Variants in DYNLT2B observed in about 807,000 individuals in gnomAD.
DYNLT2B encodes dynein light chain Tctex-type protein 2B.
A neutral mutation model predicts 19.5 loss-of-function variants in DYNLT2B; 14 were observed. The ratio of observed to expected loss-of-function variants is 0.72; its 90% CI spans 0.47 to 1.12. DYNLT2B has a LOEUF of 1.12. Ranked by LOEUF, DYNLT2B falls within the 50% of genes most tolerant of loss-of-function variation. The pLI, the probability that DYNLT2B is intolerant of heterozygous loss-of-function variation, is 0.00. For synonymous variants in DYNLT2B, 70 were observed against 59.7 expected (o/e 1.17, Z -0.79); for missense variants, 133 against 174.7 (o/e 0.76, Z 1.35).
chr3:196,316,677 G>A (rs1726804092), intron 1 of DYNLT2B, among the ~76,000 whole-genome samples: 1 of 152,050 alleles, frequency 6.6e-6, no homozygotes, highest in Non-Finnish European at 1.5e-5. Context: ...TTCTACCCAA[G>A]GGAAAAATCC....
At chr3:196,294,861 A>G (rs1393303706) in intron 4 of DYNLT2B, among the ~76,000 whole-genome samples, 1 of 151,864 alleles carries the variant, frequency 6.6e-6, no homozygotes, top group African/African-American at 2.4e-5. Context: ...CAGCCTCCCA[A>G]GTAGCTGGGA....
At chr3:196,305,374 C>T (rs941980711) in intron 3 of DYNLT2B, among the ~76,000 whole-genome samples, 1 of 152,106 alleles carries the variant, frequency 6.6e-6, no homozygotes, top group Non-Finnish European at 1.5e-5. Context: ...TACTTATTTT[C>T]AAGAAGTACA....
At chr3:196,295,975 A>G in intron 4 of DYNLT2B, 31 bp downstream of exon 4, 6 of 1,595,772 alleles carry the variant, frequency 3.8e-6, no homozygotes, top group Non-Finnish European at 5.2e-6. Context: ...ACGTTCTTAG[A>G]AAGGGAAAAG....
chr3:196,293,553 G>A (rs961393900), intron 4 of DYNLT2B, among the ~76,000 whole-genome samples: 10 of 151,710 alleles, frequency 6.6e-5, no homozygotes, highest in African/African-American at 2.2e-4. Flanking sequence ...TTGAACCTGG[G>A]AGGCAGAGGT....
intron 2 of DYNLT2B, among the ~76,000 whole-genome samples, chr3:196,314,831 CA>C (rs1560193401): frequency 1.3e-5 from 2 of 150,652 alleles, no homozygotes; most frequent in Non-Finnish European, 3.0e-5. Flanking sequence ...AAAAACAAAA[CA>C]AAACAAAAAA....
chr3:196,296,894 TCAGCCTGGGAGACA>T (rs1339020148), intron 3 of DYNLT2B, among the ~76,000 whole-genome samples: 1 of 151,210 alleles, frequency 6.6e-6, no homozygotes. Flanking sequence ...CCACTGCACT[TCAGCCTGGGAGACA>T]CAGCAGGACC....
intron 2 of DYNLT2B, among the ~76,000 whole-genome samples, chr3:196,314,533 C>T (rs999711005): frequency 1.3e-5 from 2 of 151,326 alleles, no homozygotes; most frequent in African/African-American, 4.9e-5. Context: ...AAGAGAGAGA[C>T]CAGGCGCAGT....
At chr3:196,301,067 A>G (rs957466339) in intron 3 of DYNLT2B, among the ~76,000 whole-genome samples, 2 of 149,554 alleles carry the variant, frequency 1.3e-5, no homozygotes, top group East Asian at 3.9e-4. Flanking sequence ...CTCAAAAAAG[A>G]AAAAAAAAAG....
intron 4 of DYNLT2B, among the ~76,000 whole-genome samples, chr3:196,294,704 T>TC (rs940750672): frequency 6.6e-6 from 1 of 152,130 alleles, no homozygotes; most frequent in African/African-American, 2.4e-5. Context: ...GGAGATGGAA[T>TC]CCCCCTCTTA....
chr3:196,300,129 T>TA (rs1263436303), intron 3 of DYNLT2B, among the ~76,000 whole-genome samples: 1 of 152,146 alleles, frequency 6.6e-6, no homozygotes, highest in African/African-American at 2.4e-5. Flanking sequence ...GATTCAGTCT[T>TA]AGAGCCTCCA....
intron 2 of DYNLT2B, among the ~76,000 whole-genome samples, chr3:196,310,355 A>G (rs960809976): frequency 9.3e-5 from 14 of 150,736 alleles, no homozygotes; most frequent in African/African-American, 3.4e-4. Flanking sequence ...CAGGTGATCC[A>G]CCTACCTCGG....
intron 3 of DYNLT2B, among the ~76,000 whole-genome samples, chr3:196,299,553 TA>T (rs1371539571): frequency 6.6e-6 from 1 of 151,804 alleles, no homozygotes; most frequent in Non-Finnish European, 1.5e-5. Flanking sequence ...GCTAAGGAGG[TA>T]AAATCAGATT....
At chr3:196,309,947 CA>C (rs113938332) in intron 2 of DYNLT2B, among the ~76,000 whole-genome samples, 167 of 129,614 alleles carry the variant, frequency 1.3e-3, no homozygotes, top group African/African-American at 3.2e-3. Flanking sequence ...AAACTCAGTC[CA>C]AAAAAAAAAA....
rs1560194730 is a variant in DYNLT2B at position 196,317,051 on chromosome 3, G to T, written c.114-820C>A. ...GTGTGTGTGTGTGTGTGTGTTGTGT[G>T]GTGTGTGTGTGGTGTGTGTGTGTGT... On this transcript the variant is annotated intron_variant, in intron 1 of 4. Coordinates refer to ENST00000325318, the MANE Select transcript of DYNLT2B (RefSeq NM_152773.5). Among the ~76,000 whole-genome samples, 31 of 70,004 alleles carry T rather than the reference G, an allele frequency of 4.4e-4. 2 individuals carry two copies. In the South Asian group the frequency reaches 0.018, roughly 40 times the overall value. 45.9% of individuals were successfully genotyped at this position (70,004 alleles called of 152,430 possible). A position where few individuals can be genotyped will look rare whatever the true frequency, so the allele number is the denominator to read the frequency against.
At chr3:196,304,686 C>T (rs1178272986) in intron 3 of DYNLT2B, among the ~76,000 whole-genome samples, 2 of 143,924 alleles carry the variant, frequency 1.4e-5, no homozygotes, top group African/African-American at 4.9e-5. Context: ...AGCGAAACTC[C>T]ATCTCAAAAA....
chr3:196,294,947 G>A (rs1019819426), intron 4 of DYNLT2B, among the ~76,000 whole-genome samples: 1 of 151,852 alleles, frequency 6.6e-6, no homozygotes, highest in Non-Finnish European at 1.5e-5. Context: ...TCACAATGTT[G>A]GCCAGGCTGC....
At chr3:196,302,653 A>G (rs1350513691) in intron 3 of DYNLT2B, among the ~76,000 whole-genome samples, 4 of 152,190 alleles carry the variant, frequency 2.6e-5, no homozygotes, top group Non-Finnish European at 5.9e-5. Context: ...CGCAGATACG[A>G]TGCCCTTGAG....
intron 3 of DYNLT2B, among the ~76,000 whole-genome samples, chr3:196,297,700 T>C (rs897315745): frequency 6.6e-6 from 1 of 152,206 alleles, no homozygotes; most frequent in African/African-American, 2.4e-5. Context: ...TGAGGTACTA[T>C]AATTTTACCC....
chr3:196,298,886 C>T (rs747470625), intron 3 of DYNLT2B, among the ~76,000 whole-genome samples: 4 of 152,008 alleles, frequency 2.6e-5, no homozygotes, highest in Non-Finnish European at 5.9e-5. Context: ...GGAGAGTTGG[C>T]AGTCTTTACT....
Sources: allele counts gnomAD v4.1 joint callset (sites outside exome capture counted in the v4.1 genomes callset), GRCh38; gene constraint gnomAD v4.1.1; transcripts MANE v1.5; gene names NCBI Gene and HGNC (gene_info 2026-07-23, HGNC 2026-07-21).